Variants in TCF4 observed in about 807,000 individuals in gnomAD.
The protein encoded by TCF4 is transcription factor 4.
TCF4 carries 3 observed loss-of-function variants against 82.1 expected under a neutral mutation model. The ratio of observed to expected loss-of-function variants is 0.04; its 90% CI spans 0.02 to 0.09. The LOEUF (loss-of-function observed/expected upper bound fraction) is 0.09. Ranked by LOEUF, TCF4 falls within the 10% of genes least tolerant of loss-of-function variation. The probability of loss-of-function intolerance (pLI) is 1.00; values close to 1 mark genes in which losing one functional copy is unlikely to be tolerated. For synonymous variants in TCF4, 276 were observed against 309.6 expected (o/e 0.89, Z 1.14); for missense variants, 518 against 852.7 (o/e 0.61, Z 4.89).
At chr18:55,463,454 C>T (rs771131981) in intron 4 of TCF4, among the ~76,000 whole-genome samples, 4 of 152,120 alleles carry the variant, frequency 2.6e-5, no homozygotes, top group Non-Finnish European at 5.9e-5. Flanking sequence ...TTCCTTGGGT[C>T]TTCCCCAAGA....
At chr18:55,387,092 C>T (rs1047688560) in intron 6 of TCF4, among the ~76,000 whole-genome samples, 1 of 152,206 alleles carries the variant, frequency 6.6e-6, no homozygotes, top group African/African-American at 2.4e-5. Flanking sequence ...AAGGTCTGAC[C>T]ACCCATCCAC....
intron 8 of TCF4, among the ~76,000 whole-genome samples, chr18:55,342,949 A>G (rs774218146): frequency 1.1e-3 from 172 of 152,262 alleles, no homozygotes; most frequent in Non-Finnish European, 2.0e-3. Context: ...AGACATTACA[A>G]TATTATTATA....
chr18:55,466,177 T>C (rs2144985133), intron 3 of TCF4, among the ~76,000 whole-genome samples: 2 of 152,214 alleles, frequency 1.3e-5, no homozygotes, highest in South Asian at 4.1e-4. Context: ...TATCTCATAA[T>C]TGCACAAAAC....
At chr18:55,304,550 T>C (rs2030825003) in intron 8 of TCF4, among the ~76,000 whole-genome samples, 1 of 151,984 alleles carries the variant, frequency 6.6e-6, no homozygotes, top group African/African-American at 2.4e-5. Flanking sequence ...AAAAAAACTG[T>C]CCCAACTTCC....
In TCF4 at chr18:55,461,047, A is replaced by C. The variant is rs2095860072; in HGVS notation, c.276T>G (p.Ser92=). The change falls in exon 5 of 20, where the codon TCT becomes TCG. Residue 92 remains serine (S), a synonymous_variant. Coordinates refer to ENST00000354452, the MANE Select transcript of TCF4 (RefSeq NM_001083962.2). ...SRDLGSHDNL[S]PPFVNSRIQS... is the part of the protein sequence containing the mutation. Reference sequence around the variant, plus strand: ...GTATTCTGGAATTGACAAAAGGTGGAGAGAGATTGTCATGTGACCCAAGGT... The same window carrying C: ...GTATTCTGGAATTGACAAAAGGTGGCGAGAGATTGTCATGTGACCCAAGGT... The C allele has an allele frequency of 6.2e-7, 1 of 1,613,406 alleles. No homozygotes were observed. The highest frequency in any genetic ancestry group is 2.2e-5 in the East Asian group (1 of 44,834).
chr18:55,269,992 A>T, intron 10 of TCF4, 29 bp from the exon 11 acceptor site: 1 of 1,612,484 alleles, frequency 6.2e-7, no homozygotes, highest in Non-Finnish European at 8.5e-7. Flanking sequence ...AAAGGTGGCC[A>T]TATTTAATCA....
intron 3 of TCF4, among the ~76,000 whole-genome samples, chr18:55,496,775 A>T (rs1405513286): frequency 6.6e-6 from 1 of 151,908 alleles, no homozygotes; most frequent in Non-Finnish European, 1.5e-5. Context: ...AAGAGTCCCA[A>T]CTTCTTTATA....
chr18:55,313,061 G>C (rs1415687701), intron 8 of TCF4, among the ~76,000 whole-genome samples: 1 of 152,096 alleles, frequency 6.6e-6, no homozygotes, highest in Non-Finnish European at 1.5e-5. Context: ...TACAATAGTA[G>C]AGTAATAACT....
intron 5 of TCF4, chr18:55,403,824 A>G: frequency 6.7e-7 from 1 of 1,492,048 alleles, no homozygotes; most frequent in Non-Finnish European, 8.9e-7. Context: ...CTCTTGCACA[A>G]AATTTAAACA....
At chr18:55,629,716 A>G (rs924425730) in intron 2 of TCF4, among the ~76,000 whole-genome samples, 6 of 152,216 alleles carry the variant, frequency 3.9e-5, no homozygotes, top group Admixed American at 2.6e-4. Flanking sequence ...GTAGAAGTAC[A>G]GAAGAGACCA....
intron 3 of TCF4, among the ~76,000 whole-genome samples, chr18:55,496,836 C>T: frequency 7.0e-6 from 1 of 143,194 alleles, no homozygotes; most frequent in Non-Finnish European, 1.5e-5. Context: ...TGAAACACAG[C>T]AGTCTACAAT....
At chr18:55,289,536 A>C (rs2064510080) in intron 8 of TCF4, among the ~76,000 whole-genome samples, 1 of 152,192 alleles carries the variant, frequency 6.6e-6, no homozygotes, top group Non-Finnish European at 1.5e-5. Flanking sequence ...AATTATGTCT[A>C]ACAGATCATC....
rs540074400 is a variant in TCF4, at chr18:55,561,539, C to T, written c.145+23741G>A. On this transcript the variant is annotated intron_variant, in intron 3 of 19. Transcript: ENST00000354452. Reference sequence around the variant, plus strand: ...AAAATTCCTAAGAAACAATCTTTGTCCATAATGATCTTCCTACTTAATATT... The same window carrying T: ...AAAATTCCTAAGAAACAATCTTTGTTCATAATGATCTTCCTACTTAATATT... Among the ~76,000 whole-genome samples, 19 of 152,206 alleles carry T rather than the reference C, an allele frequency of 1.2e-4. 1 individual carries two copies. In the South Asian group the frequency reaches 3.7e-3, roughly 30 times the overall value.
At chr18:55,322,425 GAAAAAAA>G (rs967879627) in intron 8 of TCF4, 5,103 of 776,496 alleles carry the variant, frequency 6.6e-3, no homozygotes, top group Non-Finnish European at 7.1e-3. Context: ...GGGGAGGGAA[GAAAAAAA>G]AAAAAAAAAA....
intron 5 of TCF4, among the ~76,000 whole-genome samples, chr18:55,445,420 A>G (rs2095508730): frequency 6.6e-6 from 1 of 152,170 alleles, no homozygotes; most frequent in Non-Finnish European, 1.5e-5. Flanking sequence ...CCTCACAATC[A>G]TGGTGGAAGG....
At chr18:55,589,798 G>A (rs974157104), upstream of TCF4, 1 of 1,009,562 alleles carries the variant, frequency 9.9e-7, no homozygotes, top group Non-Finnish European at 1.2e-6. Context: ...CGGGAACTGC[G>A]GGCTTATAAA....
intron 5 of TCF4, among the ~76,000 whole-genome samples, chr18:55,417,561 T>G (rs1419267395): frequency 6.6e-6 from 1 of 152,234 alleles, no homozygotes; most frequent in Non-Finnish European, 1.5e-5. Context: ...ATGAATGGAC[T>G]GGACTGACTC....
chr18:55,410,204 C>T (rs894540866), intron 5 of TCF4, among the ~76,000 whole-genome samples: 1 of 152,064 alleles, frequency 6.6e-6, no homozygotes, highest in Non-Finnish European at 1.5e-5. Flanking sequence ...CTCTCTCTTC[C>T]GCTGATGTTC....
At chr18:55,538,026 G>GCGCGCGCA (rs1277287061) in intron 3 of TCF4, among the ~76,000 whole-genome samples, 28 of 131,504 alleles carry the variant, frequency 2.1e-4, no homozygotes, top group Middle Eastern at 3.5e-3. Context: ...CTGCGCGCGC[G>GCGCGCGCA]CACACACACA....
Sources: gnomAD v4.1 joint callset for allele counts (sites outside exome capture counted in the v4.1 genomes callset) on GRCh38, gnomAD v4.1.1 for gene constraint, MANE v1.5 for transcripts, NCBI Gene and HGNC (gene_info 2026-07-23, HGNC 2026-07-21) for gene names.